The following PTPRQ variants were observed in gnomAD, a reference collection of about 807,000 sequenced individuals.
The protein encoded by PTPRQ is protein tyrosine phosphatase receptor type Q, also known as phosphatidylinositol phosphatase PTPRQ.
In PTPRQ, 199 loss-of-function variants were observed where a neutral mutation model predicts 246.0. The ratio of observed to expected loss-of-function variants is 0.81; its 90% CI spans 0.72 to 0.91. The LOEUF is 0.91. PTPRQ is among the 40% of genes least tolerant of loss of function. The pLI is 0.00. For missense variants in PTPRQ, 2,624 were observed against 2,528.4 expected (o/e 1.04, Z -0.81); for synonymous variants, 869 against 853.2 (o/e 1.02, Z -0.32).
At chr12:80,462,682 G>T (rs1893236916) in intron 6 of PTPRQ, 2 of 163,686 alleles carry the variant, frequency 1.2e-5, no homozygotes, top group Non-Finnish European at 2.6e-5. Flanking sequence ...CCAGAGGAAT[G>T]ATCAGACAGC....
At chr12:80,558,123 C>CTTTTCTT (rs1489500092) in intron 25 of PTPRQ, among the ~76,000 whole-genome samples, 3 of 72,162 alleles carry the variant, frequency 4.2e-5, no homozygotes, top group African/African-American at 1.3e-4. Flanking sequence ...TTCTTTCTTT[C>CTTTTCTT]TTTTCTTTTC....
At chr12:80,488,944 T>C (rs1894364373) in intron 9 of PTPRQ, among the ~76,000 whole-genome samples, 1 of 152,070 alleles carries the variant, frequency 6.6e-6, no homozygotes, top group Non-Finnish European at 1.5e-5. Context: ...CTTATATATG[T>C]ATCTGATCTA....
intron 14 of PTPRQ, among the ~76,000 whole-genome samples, chr12:80,497,418 A>G (rs1267449156): frequency 6.6e-6 from 1 of 152,078 alleles, no homozygotes; most frequent in Admixed American, 6.6e-5. Context: ...GGCAGAGCTC[A>G]GGCAGTAATT....
At position 80,549,519 on chromosome 12, in the gene PTPRQ, T is replaced by A; in HGVS notation, c.4070T>A (p.Leu1357Ter). Reference sequence around the variant, plus strand: ...ATGGCAACTAGCTGGCAGTCAGTTTTAGTGAAATGGGATCCACCCAAAAAG... The same window carrying A: ...ATGGCAACTAGCTGGCAGTCAGTTTAAGTGAAATGGGATCCACCCAAAAAG... The part of the protein sequence containing the change: ...QCMATSWQSV[L>*]VKWDPPKKAN... Residue 1357 changes from leucine (L) to a stop codon, truncating the protein, a stop_gained, in exon 25 of 45, where the codon TTA (leucine) becomes TAA (stop). Coordinates refer to ENST00000644991, the MANE Select transcript of PTPRQ (RefSeq NM_001145026.2). LOFTEE classifies it high-confidence loss of function. The A allele has an allele frequency of 6.4e-7, 1 of 1,551,122 alleles. No individual in the cohort carries two copies. Among genetic ancestry groups the A allele is most frequent in the Non-Finnish European group, 8.7e-7 (1 of 1,146,558 alleles).
Position 80,588,427 on chromosome 12 carries a change from G to T in PTPRQ, c.4584G>T (p.Trp1528Cys). 2.0e-6 allele frequency: 3 copies of T among 1,488,922 alleles called. No homozygotes were observed. In the South Asian group the frequency reaches 4.2e-5, roughly 21 times the overall value. The allele number at this position is 1,488,922 out of a possible 1,614,324, so 92.2% of individuals were successfully genotyped here. ...CTGGCTATGGCAATGCTTCAAACTG[G>T]ATTTCTACAAAAACTCTGCCTGGCC... is the stretch of plus-strand genomic sequence containing the variant. The part of the protein sequence containing the change: ...TNAGYGNASN[W>C]ISTKTLPGPP... Residue 1528 changes from tryptophan (W) to cysteine (C), a missense_variant, in exon 26 of 45, where the codon TGG becomes TGT. Physicochemically the swap from Trp to Cys is radical, Grantham distance 215 (BLOSUM62 -2). Transcript: ENST00000644991.
intron 30 of PTPRQ, 71 bp from the exon 31 acceptor site, chr12:80,619,313 G>A: frequency 1.4e-6 from 2 of 1,478,952 alleles, no homozygotes; most frequent in Admixed American, 2.2e-5. Flanking sequence ...CTGCATGAAA[G>A]GAGAAAGATT....
chr12:80,586,003 C>T (rs1276851373), intron 25 of PTPRQ, among the ~76,000 whole-genome samples: 9 of 149,708 alleles, frequency 6.0e-5, no homozygotes, highest in South Asian at 4.2e-4. Flanking sequence ...TTTGTTCTTG[C>T]GATAGTTTAC....
At chr12:80,549,813 T>G in intron 25 of PTPRQ, 79 bp downstream of exon 25, 1 of 1,448,178 alleles carries the variant, frequency 6.9e-7, no homozygotes, top group Non-Finnish European at 9.1e-7. Flanking sequence ...GCAATCTTTA[T>G]AGCATACTTA....
At chr12:80,657,963 G>A (rs745589677) in intron 38 of PTPRQ, 22 bp from the exon 39 acceptor site, 4 of 1,375,078 alleles carry the variant, frequency 2.9e-6, no homozygotes, top group African/African-American at 3.1e-5. Flanking sequence ...AATTAACATT[G>A]ATTCCTTATA....
At chr12:80,635,667 A>G (rs1899619742) in intron 35 of PTPRQ, among the ~76,000 whole-genome samples, 1 of 152,116 alleles carries the variant, frequency 6.6e-6, no homozygotes, top group African/African-American at 2.4e-5. Flanking sequence ...AGTAAAGTAC[A>G]TAATTTTAAA....
Position 80,619,506 on chromosome 12 carries a change from A to G in PTPRQ, c.5353A>G (p.Ile1785Val), listed in dbSNP as rs1417003015. ...TTACTACAGTGATGATCATGGACCA[A>G]TAAAAAATGTACAAGTGCTTGTGAC... ...ICYYSDDHGP[I>V]KNVQVLVTET... The change falls in exon 31 of 45, where the codon ATA (isoleucine) becomes GTA (valine). Residue 1785 changes from isoleucine to valine, a missense_variant. Coordinates refer to ENST00000644991, the MANE Select transcript of PTPRQ (RefSeq NM_001145026.2). 10 of 1,540,424 alleles carry G rather than the reference A, an allele frequency of 6.5e-6. No homozygotes were observed. Among genetic ancestry groups the G allele is most frequent in the African/African-American group, 1.4e-5 (1 of 72,482 alleles).
At chr12:80,533,154 A>C (rs1159018874) in intron 17 of PTPRQ, among the ~76,000 whole-genome samples, 1 of 152,136 alleles carries the variant, frequency 6.6e-6, no homozygotes, top group Non-Finnish European at 1.5e-5. Context: ...TATTATTCCT[A>C]AAATATAAAT....
chr12:80,678,478 CTG>C, intron 43 of PTPRQ, 122 bp from the exon 44 acceptor site: 1 of 1,189,786 alleles, frequency 8.4e-7, no homozygotes, highest in Non-Finnish European at 1.1e-6. Flanking sequence ...ATGATAAATT[CTG>C]TGTCTGTAAC....
intron 37 of PTPRQ, among the ~76,000 whole-genome samples, chr12:80,651,900 AT>A (rs1900270559): frequency 6.6e-6 from 1 of 152,000 alleles, no homozygotes; most frequent in Non-Finnish European, 1.5e-5. Flanking sequence ...TATGTAAACA[AT>A]TGTCCAGATT....
Position 80,600,798 on chromosome 12 carries a change from G to A in PTPRQ, c.4610-4261G>A, listed in dbSNP as rs759014788. On this transcript the variant is annotated intron_variant, in intron 26 of 44. Coordinates refer to ENST00000644991, the MANE Select transcript of PTPRQ (RefSeq NM_001145026.2). Reference sequence around the variant, plus strand: ...ATCACAGCCCCTTCTACTTCATGGCGTTTGTCTTTTTGTTCACAATAGCCA... The same window carrying A: ...ATCACAGCCCCTTCTACTTCATGGCATTTGTCTTTTTGTTCACAATAGCCA... 7.9e-5 allele frequency among the ~76,000 whole-genome samples: 12 copies of A among 151,826 alleles called. No homozygotes were observed. In the East Asian group the frequency reaches 1.2e-3, roughly 15 times the overall value.
chr12:80,547,546 G>A (rs1391020120), intron 24 of PTPRQ, among the ~76,000 whole-genome samples: 2 of 151,988 alleles, frequency 1.3e-5, no homozygotes, highest in African/African-American at 4.8e-5. Flanking sequence ...ACCTGACACT[G>A]TTTTTCGTGC....
At chr12:80,656,644 G>A (rs1184466) in intron 38 of PTPRQ, among the ~76,000 whole-genome samples, 15,788 of 151,938 alleles carry the variant, frequency 0.1, 1,233 homozygotes, top group African/African-American at 0.21. Flanking sequence ...AGGGTATCTA[G>A]TTTTACTAGC....
chr12:80,612,327 C>T (rs1898582137), intron 28 of PTPRQ, among the ~76,000 whole-genome samples: 1 of 149,978 alleles, frequency 6.7e-6, no homozygotes, highest in South Asian at 2.1e-4. Context: ...TAAAAAAATC[C>T]AATTAGAAAA....
Position 80,482,590 on chromosome 12 carries a change from C to T in PTPRQ, c.1187-1843C>T, listed in dbSNP as rs970674032. Among the ~76,000 whole-genome samples, 940 of 150,376 alleles carry T rather than the reference C, an allele frequency of 6.3e-3. 33 individuals are homozygous for T. Among genetic ancestry groups the T allele is most frequent in the Non-Finnish European group, 1.3e-3 (89 of 67,958 alleles). ...AACTACCATCAGAGCGAACAGGCAA[C>T]CTACAAAATGGGAGAAAATTGTCAC... On this transcript the variant is annotated intron_variant, in intron 8 of 44. Coordinates refer to ENST00000644991, the MANE Select transcript of PTPRQ (RefSeq NM_001145026.2).
Sources: allele counts gnomAD v4.1 joint callset (sites outside exome capture counted in the v4.1 genomes callset), GRCh38; gene constraint gnomAD v4.1.1; transcripts MANE v1.5; gene names NCBI Gene and HGNC (gene_info 2026-07-23, HGNC 2026-07-21).